The following RYR3 variants were observed in gnomAD, a reference collection of about 807,000 sequenced individuals.
RYR3 encodes the protein brain ryanodine receptor-calcium release channel.
Under a neutral mutation model 584.3 loss-of-function variants are expected in RYR3, and 207 were observed. That is an observed-to-expected ratio of 0.35 (90% CI 0.32 to 0.40). The LOEUF (loss-of-function observed/expected upper bound fraction) is 0.40. RYR3 is among the 10% of genes least tolerant of loss of function. The pLI, the probability that RYR3 is intolerant of heterozygous loss-of-function variation, is 1.00. For synonymous variants in RYR3, 2,416 were observed against 2,248.5 expected (o/e 1.07, Z -2.11); for missense variants, 5,616 against 6,089.2 (o/e 0.92, Z 2.59).
chr15:33,702,849 C>T (rs2066406312), intron 42 of RYR3, among the ~76,000 whole-genome samples: 1 of 151,856 alleles, frequency 6.6e-6, no homozygotes, highest in Non-Finnish European at 1.5e-5. Context: ...ATGAGAAAAC[C>T]CAGCAAATCT....
In RYR3 at chr15:33,701,091, C is replaced by T. The variant is rs556985556; in HGVS notation, c.6483+11C>T. 1.9e-6 allele frequency: 3 copies of T among 1,591,110 alleles called. No individual in the cohort carries two copies. The highest frequency in any genetic ancestry group is 4.5e-5 in the East Asian group (2 of 44,688). ...CCAGACCTCGAGAAGGTAACCGGCC[C>T]TTGGGGTGGCAGTGTGGTGTTCTCT... On this transcript the variant is annotated intron_variant, in intron 42 of 103. Coordinates refer to ENST00000634891, the MANE Select transcript of RYR3 (RefSeq NM_001036.6).
intron 60 of RYR3, among the ~76,000 whole-genome samples, chr15:33,758,772 C>T (rs1596464587): frequency 6.6e-6 from 1 of 152,342 alleles, no homozygotes; most frequent in Middle Eastern, 3.4e-3. Flanking sequence ...GCGGATCTCC[C>T]AGCACAGCAC....
intron 102 of RYR3, among the ~76,000 whole-genome samples, chr15:33,862,244 A>AC (rs939656766): frequency 1.3e-5 from 2 of 152,014 alleles, no homozygotes; most frequent in Non-Finnish European, 2.9e-5. Flanking sequence ...TAGGGTCTCA[A>AC]CCCCGTTGCC....
chr15:33,652,875 T>A lies in RYR3; in HGVS notation c.4300T>A (p.Cys1434Ser). The change falls in exon 32 of 104, where the codon TGC becomes AGC. Residue 1434 changes from cysteine to serine, a missense_variant. By Grantham distance (112) the Cys-to-Ser change is moderately radical. Around this residue, in one of 9 missense-constraint regions of RYR3, gnomAD observed 753 missense variants for 741.0 expected, o/e 1.02. Transcript: ENST00000634891. The part of the protein sequence containing the change: ...FSANGKELGT[C>S]YQVEPNTKVF... ...AGCCAATGGAAAGGAACTGGGCACCTGCTACCAGGTAAGGGCGGCTTCTGG... is the reference window on the plus strand; with the variant it reads ...AGCCAATGGAAAGGAACTGGGCACCAGCTACCAGGTAAGGGCGGCTTCTGG... The A allele has an allele frequency of 1.9e-6, 3 of 1,610,060 alleles. No individual in the cohort carries two copies. Among genetic ancestry groups the A allele is most frequent in the Non-Finnish European group, 2.5e-6 (3 of 1,177,902 alleles).
chr15:33,340,505 A>G (rs1217877872), intron 1 of RYR3, among the ~76,000 whole-genome samples: 1 of 152,070 alleles, frequency 6.6e-6, no homozygotes, highest in East Asian at 1.9e-4. Flanking sequence ...GCAGAAATTT[A>G]TTTTTCACAG....
chr15:33,669,227 C>CT (rs2063669237), intron 36 of RYR3, 127 bp from the exon 37 acceptor site: 1 of 587,774 alleles, frequency 1.7e-6, no homozygotes, highest in African/African-American at 2.1e-5. Flanking sequence ...GCCACTTTTA[C>CT]CAAAAAAAAA....
chr15:33,784,679 G>T (rs1481544364), intron 65 of RYR3, among the ~76,000 whole-genome samples: 1 of 152,152 alleles, frequency 6.6e-6, no homozygotes, highest in Non-Finnish European at 1.5e-5. Flanking sequence ...ATCAATGGGT[G>T]CGTATGCAAA....
intron 98 of RYR3, chr15:33,856,650 TTTTG>T (rs779920872): frequency 5.2e-4 from 81 of 154,492 alleles, no homozygotes; most frequent in Middle Eastern, 6.3e-3. Flanking sequence ...CCTTTGGGTT[TTTTG>T]TTTGTTTGTT....
chr15:33,442,505 G>T (rs2046311731), intron 1 of RYR3, among the ~76,000 whole-genome samples: 1 of 152,196 alleles, frequency 6.6e-6, no homozygotes, highest in African/African-American at 2.4e-5. Context: ...GTATGCAATG[G>T]TTTTCTGCTT....
chr15:33,364,932 A>G (rs1479846049), intron 1 of RYR3, among the ~76,000 whole-genome samples: 2 of 152,216 alleles, frequency 1.3e-5, no homozygotes, highest in East Asian at 3.9e-4. Flanking sequence ...GCCACTTGCA[A>G]ACGATCTCAG....
In RYR3 at chr15:33,755,090, GCCT is replaced by G. The variant is rs1567100762; in HGVS notation, c.8431_8433del (p.Ser2811del). 2 of 1,610,774 alleles carry G rather than the reference GCCT, an allele frequency of 1.2e-6. No homozygotes were observed. Among genetic ancestry groups the G allele is most frequent in the Non-Finnish European group, 8.5e-7 (1 of 1,177,392 alleles). On this transcript the variant is annotated inframe_deletion, in exon 58 of 104. Coordinates refer to ENST00000634891, the MANE Select transcript of RYR3 (RefSeq NM_001036.6). ...GGGTATGAAGGATATGGAGCTGGAT[GCCT>G]CCTCCATGGAGAAGAGGTTTGCCTA...
At chr15:33,569,018 T>A (rs1468884371) in intron 12 of RYR3, among the ~76,000 whole-genome samples, 3 of 152,206 alleles carry the variant, frequency 2.0e-5, no homozygotes, top group East Asian at 1.9e-4. Context: ...TGAAGAGTAT[T>A]CTTGTGTGTG....
At chr15:33,569,922 T>C (rs2057930974) in intron 12 of RYR3, among the ~76,000 whole-genome samples, 1 of 152,174 alleles carries the variant, frequency 6.6e-6, no homozygotes, top group African/African-American at 2.4e-5. Flanking sequence ...GTATTTTGCC[T>C]TTTTAAGTTG....
At chr15:33,548,302 A>G (rs79617702) in intron 9 of RYR3, 98 bp downstream of exon 9, 18,905 of 727,940 alleles carry the variant, frequency 0.026, 341 homozygotes, top group Non-Finnish European at 0.035. Flanking sequence ...CATCTGGCAA[A>G]CTCCTTCAAG....
chr15:33,471,792 C>T (rs1181599741), intron 1 of RYR3, among the ~76,000 whole-genome samples: 1 of 152,090 alleles, frequency 6.6e-6, no homozygotes, highest in Non-Finnish European at 1.5e-5. Flanking sequence ...TTGAGTACTA[C>T]CTCTTGCATT....
rs145203248 is a variant in RYR3 at position 33,623,621 on chromosome 15, G to C, written c.2358-186G>C. ...GGGTCAGCTGAGGATCAGCCTTGAT[G>C]CTCACTTACCCCTCTGCTGTTTTGT... On this transcript the variant is annotated intron_variant, in intron 19 of 103. Transcript: ENST00000634891. Among the ~76,000 whole-genome samples the C allele has an allele frequency of 8.9e-4, 136 of 152,282 alleles. 1 individual carries two copies. The highest frequency in any genetic ancestry group is 2.7e-3 in the African/African-American group (113 of 41,558).
chr15:33,551,123 A>T lies in RYR3; in HGVS notation c.972+807A>T, dbSNP rs1480551380. Among the ~76,000 whole-genome samples the T allele has an allele frequency of 4.6e-5, 7 of 152,326 alleles. No homozygotes were observed. In the South Asian group the frequency reaches 1.5e-3, roughly 32 times the overall value. ...GCTGAACGGTCAGAATTGCATGCTG[A>T]GCTAACTTCTGACAGACAGTTGGAT... On this transcript the variant is annotated intron_variant, in intron 10 of 103. Transcript: ENST00000634891.
chr15:33,622,335 C>T (rs551224293), intron 19 of RYR3, among the ~76,000 whole-genome samples: 3 of 152,286 alleles, frequency 2.0e-5, no homozygotes, highest in African/African-American at 7.2e-5. Flanking sequence ...AGAGCCTTTG[C>T]GCTTGTTCCT....
rs1273117979 is a variant in RYR3, at chr15:33,465,814, G to A, written c.52-7605G>A. 4 of 518,552 alleles carry A rather than the reference G, an allele frequency of 7.7e-6. No individual in the cohort carries two copies. The East Asian group carries it at 1.6e-4, about 21-fold the overall frequency. 32.1% of individuals were successfully genotyped at this position (518,552 alleles called of 1,614,324 possible). On this transcript the variant is annotated intron_variant, in intron 1 of 103. Coordinates refer to ENST00000634891, the MANE Select transcript of RYR3 (RefSeq NM_001036.6). ...TTAGAAAGTAGAATGAGAAGAATTT[G>A]CTGATGGTGTGGATGTGAGGTAAGA... is the stretch of plus-strand genomic sequence containing the variant.
Sources: allele counts gnomAD v4.1 joint callset (sites outside exome capture counted in the v4.1 genomes callset), GRCh38; gene constraint gnomAD v4.1.1; regional missense constraint gnomAD v4.1.1; transcripts MANE v1.5; gene names NCBI Gene and HGNC (gene_info 2026-07-23, HGNC 2026-07-21).